Variants in LINGO2 observed in about 807,000 individuals in gnomAD.
The protein encoded by LINGO2 is leucine rich repeat and Ig domain containing 2.
A neutral mutation model predicts 30.6 loss-of-function variants in LINGO2; 14 were observed. The ratio of observed to expected loss-of-function variants is 0.46; its 90% CI spans 0.30 to 0.72. The LOEUF is 0.72. Ranked by LOEUF, LINGO2 falls within the 30% of genes least tolerant of loss-of-function variation. LINGO2 has a pLI of 0.07. For synonymous variants in LINGO2, 317 were observed against 288.5 expected (o/e 1.10, Z -1.00); for missense variants, 729 against 751.7 (o/e 0.97, Z 0.35).
At chr9:28,392,622 C>T (rs539892355) in intron 2 of LINGO2, among the ~76,000 whole-genome samples, 4 of 152,182 alleles carry the variant, frequency 2.6e-5, no homozygotes, top group South Asian at 4.1e-4. Flanking sequence ...TCTCCAGGCT[C>T]CAGTTCCCCC....
chr9:28,348,773 T>C (rs1385908468), intron 3 of LINGO2, among the ~76,000 whole-genome samples: 1 of 151,840 alleles, frequency 6.6e-6, no homozygotes, highest in Admixed American at 6.6e-5. Flanking sequence ...AAGAGAGCAG[T>C]GGTTCTCCCA....
chr9:28,029,391 A>G (rs925261671), intron 4 of LINGO2, among the ~76,000 whole-genome samples: 5 of 152,156 alleles, frequency 3.3e-5, no homozygotes, highest in Non-Finnish European at 5.9e-5. Context: ...TAAATTAAAA[A>G]CAGGCAGGGT....
At chr9:27,949,358 C>T (rs200772912) in exon 6 of LINGO2, 11 of 1,614,070 alleles carry the variant, frequency 6.8e-6, no homozygotes, top group East Asian at 6.7e-5. Flanking sequence ...TCACAGGCTG[C>T]GGGTCTCCAT....
the LINGO2 span, among the ~76,000 whole-genome samples, chr9:29,092,933 A>T: frequency 1.5e-3 from 198 of 134,082 alleles, 38 homozygotes; most frequent in African/African-American, 5.4e-3. Flanking sequence ...TCTATGAAAA[A>T]TAATTTTAGA....
At chr9:28,033,129 T>C (rs1364961809) in intron 4 of LINGO2, among the ~76,000 whole-genome samples, 1 of 152,284 alleles carries the variant, frequency 6.6e-6, no homozygotes, top group East Asian at 1.9e-4. Flanking sequence ...TTTACTTACG[T>C]TGTTAGTTGC....
chr9:27,966,153 A>G (rs1479131469), intron 5 of LINGO2, among the ~76,000 whole-genome samples: 3 of 151,876 alleles, frequency 2.0e-5, no homozygotes, highest in Non-Finnish European at 4.4e-5. Context: ...AGTACTGAAA[A>G]CCCTTTTTGA....
chr9:28,033,257 T>G (rs2132911208), intron 4 of LINGO2, among the ~76,000 whole-genome samples: 1 of 152,312 alleles, frequency 6.6e-6, no homozygotes, highest in Admixed American at 6.5e-5. Context: ...ATGGCTTGTC[T>G]TCAGAACTAT....
the LINGO2 span, among the ~76,000 whole-genome samples, chr9:29,060,237 T>C: frequency 3.9e-5 from 6 of 151,972 alleles, no homozygotes; most frequent in East Asian, 1.2e-3. Flanking sequence ...TTCAGGAAAA[T>C]GAGCCACTAC....
chr9:28,410,237 A>T (rs2134806495), intron 2 of LINGO2, among the ~76,000 whole-genome samples: 2 of 152,190 alleles, frequency 1.3e-5, no homozygotes, highest in East Asian at 3.9e-4. Flanking sequence ...CTTCTTAAAA[A>T]TTTATTCTCC....
At chr9:28,637,436 A>T (rs1229118531) in intron 1 of LINGO2, among the ~76,000 whole-genome samples, 1 of 152,130 alleles carries the variant, frequency 6.6e-6, no homozygotes, top group Non-Finnish European at 1.5e-5. Context: ...CATGATATTA[A>T]TTCTTCCTAT....
intron 4 of LINGO2, among the ~76,000 whole-genome samples, chr9:28,013,889 T>C (rs1822684634): frequency 6.6e-6 from 1 of 152,224 alleles, no homozygotes; most frequent in Non-Finnish European, 1.5e-5. Flanking sequence ...TATTTCTGGC[T>C]AAAGAATGGG....
chr9:27,971,687 C>A (rs1194662866), intron 5 of LINGO2, among the ~76,000 whole-genome samples: 2 of 152,136 alleles, frequency 1.3e-5, no homozygotes, highest in African/African-American at 2.4e-5. Context: ...CGGCGCCCGG[C>A]CTGAAATTTA....
chr9:28,523,290 C>T (rs1820894195), intron 1 of LINGO2, among the ~76,000 whole-genome samples: 1 of 151,636 alleles, frequency 6.6e-6, no homozygotes, highest in African/African-American at 2.4e-5. Context: ...AAATAGCCAA[C>T]AAGCTAAGAA....
intron 4 of LINGO2, among the ~76,000 whole-genome samples, chr9:28,066,795 T>C (rs1280892461): frequency 6.6e-6 from 1 of 152,132 alleles, no homozygotes; most frequent in Non-Finnish European, 1.5e-5. Flanking sequence ...CAGTCTAGGC[T>C]GTCAATATAA....
intron 1 of LINGO2, among the ~76,000 whole-genome samples, chr9:28,611,485 T>C: frequency 6.6e-6 from 1 of 152,192 alleles, no homozygotes. Context: ...TCTCCAGAAC[T>C]TACTCATCCT....
In LINGO2 at chr9:28,341,479, A is replaced by C. The variant is rs1825763159; in HGVS notation, c.-246+31357T>G. On this transcript the variant is annotated intron_variant, in intron 3 of 5. Transcript: ENST00000379992. ...AAGCAAAGACAAAACATTAGCCAAG[A>C]AAAGATGCACTTTACAGTGATGAGG... Among the ~76,000 whole-genome samples the C allele has an allele frequency of 2.6e-5, 4 of 152,252 alleles. No homozygotes were observed. In the South Asian group the frequency reaches 8.3e-4, roughly 32 times the overall value.
chr9:28,744,175 T>A, the LINGO2 span, among the ~76,000 whole-genome samples: 3 of 151,814 alleles, frequency 2.0e-5, no homozygotes, highest in Non-Finnish European at 4.4e-5. Context: ...TTTAATACTT[T>A]ATCTTTGGTT....
At chr9:29,014,582 T>C in the LINGO2 span, among the ~76,000 whole-genome samples, 4 of 152,184 alleles carry the variant, frequency 2.6e-5, no homozygotes, top group Non-Finnish European at 5.9e-5. Context: ...CAAGAAAGAA[T>C]AAGTGTTTTG....
chr9:28,809,691 A>G, the LINGO2 span, among the ~76,000 whole-genome samples: 3 of 147,126 alleles, frequency 2.0e-5, no homozygotes, highest in Admixed American at 7.0e-5. Flanking sequence ...GGTTGCAGTG[A>G]GCCGAGATCG....
Sources: allele counts gnomAD v4.1 joint callset (sites outside exome capture counted in the v4.1 genomes callset), GRCh38; gene constraint gnomAD v4.1.1; transcripts MANE v1.5; gene names NCBI Gene and HGNC (gene_info 2026-07-23, HGNC 2026-07-21).